SLC25A40: variants seen among roughly 807,000 people sequenced by gnomAD.
SLC25A40 encodes mitochondrial glutathione transporter SLC25A40.
In SLC25A40, 41 loss-of-function variants were observed where a neutral mutation model predicts 46.5. The ratio of observed to expected loss-of-function variants is 0.88; its 90% CI spans 0.69 to 1.14. The LOEUF is 1.14. SLC25A40 is among the 50% of genes most tolerant of loss of function. The pLI is 0.00. For missense variants in SLC25A40, 386 were observed against 393.6 expected (o/e 0.98, Z 0.16); for synonymous variants, 126 against 127.5 (o/e 0.99, Z 0.08).
chr7:87,858,450 T>C (rs368643874), intron 3 of SLC25A40, among the ~76,000 whole-genome samples, 181 bp downstream of exon 3: 1 of 152,196 alleles, frequency 6.6e-6, no homozygotes, highest in Non-Finnish European at 1.5e-5. Flanking sequence ...GTCCTACCAA[T>C]ATGTGATGTC....
chr7:87,843,889 C>T, intron 8 of SLC25A40, 26 bp from the exon 9 acceptor site: 1 of 1,520,000 alleles, frequency 6.6e-7, no homozygotes, highest in African/African-American at 1.4e-5. Flanking sequence ...ATGAAATGAA[C>T]ACATATTTAG....
intron 1 of SLC25A40, among the ~76,000 whole-genome samples, chr7:87,865,062 A>T (rs1838769133): frequency 1.3e-5 from 2 of 151,010 alleles, no homozygotes. Context: ...TTGCAACCTC[A>T]AACTGCCAGG....
rs1301795179 is a variant in SLC25A40 at position 87,836,182 on chromosome 7, A to C, written c.*67T>G. 1 of 928,116 alleles carries C rather than the reference A, an allele frequency of 1.1e-6. No individual in the cohort carries two copies. Among genetic ancestry groups the C allele is most frequent in the African/African-American group, 1.8e-5 (1 of 57,128 alleles). The allele number at this position is 928,116 out of a possible 1,614,324, so 57.5% of individuals were successfully genotyped here. ...TCATTGTGAGAGAATAATGGTGAAA[A>C]ACATTCTTGCCTAAGAGTCTCCATC... On this transcript the variant is annotated 3_prime_UTR_variant, in exon 12 of 12. Coordinates refer to ENST00000341119, the MANE Select transcript of SLC25A40 (RefSeq NM_018843.4).
chr7:87,847,805 A>G (rs903456676), intron 7 of SLC25A40, 48 bp downstream of exon 7: 1 of 1,562,448 alleles, frequency 6.4e-7, no homozygotes, highest in Non-Finnish European at 8.6e-7. Flanking sequence ...CAACTTAAAC[A>G]GAAGCTCTAA....
intron 1 of SLC25A40, among the ~76,000 whole-genome samples, chr7:87,862,205 C>T (rs1838715953): frequency 6.6e-6 from 1 of 152,120 alleles, no homozygotes. Context: ...CAGACACTGT[C>T]CCTTTTTAGG....
chr7:87,858,438 C>T (rs1008652616), intron 3 of SLC25A40, among the ~76,000 whole-genome samples, 193 bp downstream of exon 3: 8 of 152,214 alleles, frequency 5.3e-5, no homozygotes, highest in African/African-American at 1.7e-4. Context: ...TGGGCAATCA[C>T]GGTCCTACCA....
At chr7:87,859,589 T>C (rs1008846087) in intron 2 of SLC25A40, among the ~76,000 whole-genome samples, 6 of 152,238 alleles carry the variant, frequency 3.9e-5, no homozygotes, top group African/African-American at 1.2e-4. Context: ...CGTACACTTA[T>C]GTGTCCGTGT....
Position 87,836,780 on chromosome 7 carries a change from A to G in SLC25A40, c.854T>C (p.Ile285Thr), listed in dbSNP as rs1399586596. 3 of 1,533,746 alleles carry G rather than the reference A, an allele frequency of 2.0e-6. No homozygotes were observed. The change falls in exon 11 of 12, where the codon ATT (isoleucine) becomes ACT (threonine). Residue 285 changes from isoleucine (I) to threonine (T), a missense_variant. By Grantham distance (89) the Ile-to-Thr change is moderately conservative. Coordinates refer to ENST00000341119, the MANE Select transcript of SLC25A40 (RefSeq NM_018843.4). ...ISMPLHMSTW[I>T]IMKNIVAKNG... ...TTTAGCAACAATGTTCTTCATTATA[A>G]TCCAGGTTGACATATGCAAAGGCAT...
chr7:87,849,504 TG>T (rs1838474764), intron 6 of SLC25A40, among the ~76,000 whole-genome samples: 1 of 152,166 alleles, frequency 6.6e-6, no homozygotes, highest in South Asian at 2.1e-4. Context: ...AAAACTCAAA[TG>T]GGTTTCCCAA....
At chr7:87,844,001 T>A in intron 8 of SLC25A40, 138 bp from the exon 9 acceptor site, 1 of 1,320,360 alleles carries the variant, frequency 7.6e-7, no homozygotes, top group South Asian at 2.2e-5. Context: ...AGACACCCAC[T>A]AGGGTGGGAT....
intron 1 of SLC25A40, among the ~76,000 whole-genome samples, chr7:87,866,547 T>C (rs971918318): frequency 3.3e-5 from 5 of 152,214 alleles, no homozygotes; most frequent in Admixed American, 6.5e-5. Flanking sequence ...GTTGAGTTGG[T>C]TTCCCCTGCA....
intron 8 of SLC25A40, among the ~76,000 whole-genome samples, chr7:87,845,638 T>G (rs556644266): frequency 6.6e-6 from 1 of 152,096 alleles, no homozygotes; most frequent in African/African-American, 2.4e-5. Context: ...TGGAGATCAC[T>G]GCAATAGGTG....
Position 87,835,646 on chromosome 7 carries a change from A to T in SLC25A40, c.*603T>A, listed in dbSNP as rs1431674181. Reference sequence around the variant, plus strand: ...TGATTATATTATGGTTCATAAGGAAAACAGCCACAATTTTGATCAGAGAAA... The same window carrying T: ...TGATTATATTATGGTTCATAAGGAATACAGCCACAATTTTGATCAGAGAAA... On this transcript the variant is annotated 3_prime_UTR_variant, in exon 12 of 12. Coordinates refer to ENST00000341119, the MANE Select transcript of SLC25A40 (RefSeq NM_018843.4). The T allele has an allele frequency of 6.6e-6, 1 of 151,634 alleles. No individual in the cohort carries two copies. The highest frequency in any genetic ancestry group is 6.6e-5 in the Admixed American group (1 of 15,136). 9.4% of individuals were successfully genotyped at this position (151,634 alleles called of 1,614,324 possible). A position where few individuals can be genotyped will look rare whatever the true frequency, so the allele number is the denominator to read the frequency against.
At chr7:87,846,102 A>G (rs1405118183) in intron 8 of SLC25A40, among the ~76,000 whole-genome samples, 1 of 152,170 alleles carries the variant, frequency 6.6e-6, no homozygotes, top group African/African-American at 2.4e-5. Context: ...AGTTACATAT[A>G]ACACAAGAAT....
Position 87,847,145 on chromosome 7 carries a change from A to G in SLC25A40, c.458-23T>C, listed in dbSNP as rs2131002170. On this transcript the variant is annotated intron_variant, in intron 7 of 11. Coordinates refer to ENST00000341119, the MANE Select transcript of SLC25A40 (RefSeq NM_018843.4). ...CAACTAATACAAACAAGTTAAAAAAAAGAAAACAAAAATAAAGCCATGTAC... is the reference window on the plus strand; with the variant it reads ...CAACTAATACAAACAAGTTAAAAAAGAGAAAACAAAAATAAAGCCATGTAC... 2.6e-6 allele frequency: 4 copies of G among 1,550,140 alleles called. No individual in the cohort carries two copies. The East Asian group carries it at 9.0e-5, about 35-fold the overall frequency.
chr7:87,848,941 T>C (rs1024551064), intron 6 of SLC25A40, among the ~76,000 whole-genome samples: 1 of 152,166 alleles, frequency 6.6e-6, no homozygotes, highest in Non-Finnish European at 1.5e-5. Context: ...ATGCCTCAAA[T>C]TGACTAATTT....
intron 1 of SLC25A40, among the ~76,000 whole-genome samples, chr7:87,869,707 ATAC>A (rs1347722532): frequency 6.6e-6 from 1 of 152,200 alleles, no homozygotes; most frequent in Non-Finnish European, 1.5e-5. Context: ...TTACATAAAT[ATAC>A]TACAATTTAT....
chr7:87,847,476 ATAGAG>A (rs1359532803), intron 7 of SLC25A40, among the ~76,000 whole-genome samples: 1 of 152,154 alleles, frequency 6.6e-6, no homozygotes, highest in Non-Finnish European at 1.5e-5. Flanking sequence ...GTTCTTCTGT[ATAGAG>A]TCAACGTTCC....
At chr7:87,849,720 T>G (rs1251329894) in intron 6 of SLC25A40, among the ~76,000 whole-genome samples, 161 bp downstream of exon 6, 1 of 152,198 alleles carries the variant, frequency 6.6e-6, no homozygotes, top group African/African-American at 2.4e-5. Context: ...GTCCTTCTAG[T>G]ACATCATCAA....
Sources: allele counts gnomAD v4.1 joint callset (sites outside exome capture counted in the v4.1 genomes callset), GRCh38; gene constraint gnomAD v4.1.1; transcripts MANE v1.5; gene names NCBI Gene and HGNC (gene_info 2026-07-23, HGNC 2026-07-21).